CCT3: variants seen among roughly 807,000 people sequenced by gnomAD.
CCT3 encodes the protein T-complex protein 1 subunit gamma.
CCT3 carries 10 observed loss-of-function variants against 65.3 expected under a neutral mutation model. That is an observed-to-expected ratio of 0.15 (90% CI 0.09 to 0.26). CCT3 has a LOEUF of 0.26. Among genes scored for constraint, CCT3 ranks in the 10% least tolerant of loss-of-function variants. The pLI, the probability that CCT3 is intolerant of heterozygous loss-of-function variation, is 1.00. For missense variants in CCT3, 626 were observed against 708.7 expected, an observed-to-expected ratio of 0.88 and a Z score of 1.33; for synonymous variants, 225 against 242.3, an observed-to-expected ratio of 0.93 and a Z score of 0.66.
In CCT3 at chr1:156,321,010, G is replaced by A. The variant is rs1438846286; in HGVS notation, c.438C>T (p.Ile146=). 6.2e-7 allele frequency: 1 copy of A among 1,613,142 alleles called. No individual in the cohort carries two copies. Among genetic ancestry groups the A allele is most frequent in the Admixed American group, 1.7e-5 (1 of 59,946 alleles). ...TLKKISIPVD[I]SDSDMMLNII... ...TGTTCAGCATCATATCACTGTCACT[G>A]ATGTCGACTGGGATACTAGAGAAAA... Residue 146 remains isoleucine (I), a synonymous_variant, in exon 7 of 14, where the codon ATC becomes ATT. Coordinates refer to ENST00000295688, the MANE Select transcript of CCT3 (RefSeq NM_005998.5).
rs764501858 is a variant in CCT3 at position 156,312,146 on chromosome 1, C to T, written c.1050G>A (p.Leu350=). 6.2e-7 allele frequency: 1 copy of T among 1,613,852 alleles called. No homozygotes were observed. Among genetic ancestry groups the T allele is most frequent in the South Asian group, 1.1e-5 (1 of 91,068 alleles). The change falls in exon 11 of 14, where the codon TTG becomes TTA. Residue 350 remains leucine (L), a synonymous_variant. Coordinates refer to ENST00000295688, the MANE Select transcript of CCT3 (RefSeq NM_005998.5). ...ATTCATCTCCAATTTTCTTGATTTC[C>T]AACAGGCCTGCTCCTGTTCCAACAT... ...EDDVGTGAGL[L]EIKKIGDEYF... is the part of the protein sequence containing the mutation.
At chr1:156,334,122 C>A (rs1254818478) in intron 4 of CCT3, among the ~76,000 whole-genome samples, 1 of 151,994 alleles carries the variant, frequency 6.6e-6, no homozygotes, top group Non-Finnish European at 1.5e-5. Context: ...GCTTGTAATT[C>A]CAGCTAATCA....
intron 6 of CCT3, 110 bp downstream of exon 6, chr1:156,324,861 TC>T (rs1360450160): frequency 7.2e-6 from 5 of 691,060 alleles, no homozygotes; most frequent in Non-Finnish European, 1.0e-5. Flanking sequence ...TCTCCTGACC[TC>T]AAGATCCACC....
chr1:156,327,687 T>C (rs1664884553), intron 5 of CCT3, among the ~76,000 whole-genome samples: 1 of 151,824 alleles, frequency 6.6e-6, no homozygotes, highest in South Asian at 2.1e-4. Flanking sequence ...GAGCCGAGAT[T>C]GCAGCCTCTG....
At chr1:156,335,799 T>C in intron 2 of CCT3, 28 bp downstream of exon 2, 1 of 1,599,818 alleles carries the variant, frequency 6.3e-7, no homozygotes, top group Non-Finnish European at 8.6e-7. Flanking sequence ...GGAGGCAAAC[T>C]ACCATAAACA....
Position 156,335,903 on chromosome 1 carries a change from A to C in CCT3, c.32-15T>G. 6.2e-7 allele frequency: 1 copy of C among 1,610,530 alleles called. No individual in the cohort carries two copies. The highest frequency in any genetic ancestry group is 8.5e-7 in the Non-Finnish European group (1 of 1,176,852). On this transcript the variant is annotated splice_polypyrimidine_tract_variant and intron_variant, in intron 1 of 13. Coordinates refer to ENST00000295688, the MANE Select transcript of CCT3 (RefSeq NM_005998.5). ...TGTGTTCTGGCCTAAAATAGACAAA[A>C]ACACAAGTCAACAGCCCAGGACTGC...
Position 156,318,918 on chromosome 1 carries a change from G to T in CCT3, c.709C>A (p.Arg237Ser). Residue 237 changes from arginine to serine, a missense_variant, in exon 8 of 14, where the codon CGC becomes AGC. Arg to Ser is a moderately radical substitution (Grantham distance 110). Transcript: ENST00000295688. ...PRMRRYIKNP[R>S]IVLLDSSLEY... ...AGAGAAGAATCCAGCAGCACAATGC[G>T]AGGGTTCTTGATATAGCGCCGCATA... 6.2e-7 allele frequency: 1 copy of T among 1,614,080 alleles called. No homozygotes were observed. Among genetic ancestry groups the T allele is most frequent in the Non-Finnish European group, 8.5e-7 (1 of 1,180,020 alleles).
chr1:156,337,919 A>G, intron 1 of CCT3: 2 of 564,494 alleles, frequency 3.5e-6, no homozygotes, highest in Middle Eastern at 4.5e-4. Context: ...GCTTCCCAAG[A>G]CGAGCACACG....
At chr1:156,325,214 A>G (rs1664748447) in intron 5 of CCT3, 125 bp from the exon 6 acceptor site, 1 of 690,366 alleles carries the variant, frequency 1.4e-6, no homozygotes, top group Non-Finnish European at 2.6e-6. Context: ...ACATTTGGCC[A>G]TTCATACTAT....
At chr1:156,333,737 G>C (rs1311770078) in intron 4 of CCT3, 94 bp from the exon 5 acceptor site, 2 of 821,772 alleles carry the variant, frequency 2.4e-6, no homozygotes, top group African/African-American at 3.4e-5. Flanking sequence ...GCTTCTATAC[G>C]TACTTACTTT....
chr1:156,320,413 A>AC (rs997139489), intron 7 of CCT3, among the ~76,000 whole-genome samples: 22 of 152,124 alleles, frequency 1.4e-4, no homozygotes, highest in African/African-American at 5.3e-4. Flanking sequence ...CCATCTCAAA[A>AC]AAACAAACAA....
At chr1:156,331,095 G>A (rs771517867) in intron 5 of CCT3, among the ~76,000 whole-genome samples, 4 of 151,830 alleles carry the variant, frequency 2.6e-5, no homozygotes, top group East Asian at 3.9e-4. Flanking sequence ...AGCCGGGCGC[G>A]GTGGTGGGCA....
intron 8 of CCT3, among the ~76,000 whole-genome samples, chr1:156,317,947 C>T (rs937070684): frequency 3.0e-4 from 46 of 152,006 alleles, no homozygotes; most frequent in African/African-American, 1.0e-3. Context: ...CTTCTGACTT[C>T]GTGATCCGCC....
Position 156,338,288 on chromosome 1 carries a change from C to T in CCT3, c.-104G>A, listed in dbSNP as rs1558277831. 8.9e-7 allele frequency: 1 copy of T among 1,126,832 alleles called. No homozygotes were observed. The highest frequency in any genetic ancestry group is 1.3e-5 in the South Asian group (1 of 75,640). 69.8% of individuals were successfully genotyped at this position (1,126,832 alleles called of 1,614,324 possible). On this transcript the variant is annotated 5_prime_UTR_variant, in exon 1 of 14. Transcript: ENST00000295688. ...CCCAGAAAACGCTGCCTCCTCAGGG[C>T]TTACACCTCAACCCGCTACTCTCAA...
intron 10 of CCT3, among the ~76,000 whole-genome samples, chr1:156,316,913 C>T (rs1664334813): frequency 6.6e-6 from 1 of 152,090 alleles, no homozygotes; most frequent in African/African-American, 2.4e-5. Flanking sequence ...GTAACGGACA[C>T]CCACCAAGGT....
intron 6 of CCT3, among the ~76,000 whole-genome samples, chr1:156,324,397 G>T (rs1487008058): frequency 6.6e-6 from 1 of 152,024 alleles, no homozygotes; most frequent in Non-Finnish European, 1.5e-5. Context: ...TTTTATTCAA[G>T]ACACTGCTCT....
intron 1 of CCT3, chr1:156,336,936 C>T: frequency 3.9e-5 from 15 of 389,442 alleles, no homozygotes; most frequent in South Asian, 1.2e-4. Context: ...TATTTTTTTC[C>T]TTAAAAGTTA....
chr1:156,319,444 C>T (rs1664457579), intron 7 of CCT3, among the ~76,000 whole-genome samples: 2 of 152,124 alleles, frequency 1.3e-5, no homozygotes, highest in Admixed American at 1.3e-4. Flanking sequence ...AAGTACCTTT[C>T]TTTGATGAAG....
rs564335780 is a variant in CCT3 at position 156,338,261 on chromosome 1, A to C, written c.-77T>G. 1.2e-5 allele frequency: 18 copies of C among 1,494,928 alleles called. No individual in the cohort carries two copies. In the Middle Eastern group the frequency reaches 1.2e-3, roughly 99 times the overall value. 92.6% of individuals were successfully genotyped at this position (1,494,928 alleles called of 1,614,324 possible). On this transcript the variant is annotated 5_prime_UTR_variant, in exon 1 of 14. Coordinates refer to ENST00000295688, the MANE Select transcript of CCT3 (RefSeq NM_005998.5). Reference sequence around the variant, plus strand: ...TTCTGGAGAGAGAGAACCAGACAGAAGCCCAGAAAACGCTGCCTCCTCAGG... The same window carrying C: ...TTCTGGAGAGAGAGAACCAGACAGACGCCCAGAAAACGCTGCCTCCTCAGG...
Sources: allele counts gnomAD v4.1 joint callset (sites outside exome capture counted in the v4.1 genomes callset), GRCh38; gene constraint gnomAD v4.1.1; transcripts MANE v1.5; gene names NCBI Gene and HGNC (gene_info 2026-07-23, HGNC 2026-07-21).